The following ATP10B variants were observed in gnomAD, a reference collection of about 807,000 sequenced individuals.
ATP10B encodes phospholipid-transporting ATPase VB.
A neutral mutation model predicts 141.2 loss-of-function variants in ATP10B; 122 were observed. The observed-to-expected ratio is 0.86, with a 90% CI of 0.75 to 1.00. The LOEUF (loss-of-function observed/expected upper bound fraction) is 1.00. Ranked by LOEUF, ATP10B falls within the 50% of genes least tolerant of loss-of-function variation. The pLI is 0.00. For synonymous variants in ATP10B, 685 were observed against 692.0 expected, an observed-to-expected ratio of 0.99 and a Z score of 0.16; for missense variants, 1,876 against 1,825.3, an observed-to-expected ratio of 1.03 and a Z score of -0.51.
chr5:160,798,605 G>A (rs576614776), intron 1 of ATP10B, among the ~76,000 whole-genome samples: 20 of 152,214 alleles, frequency 1.3e-4, no homozygotes, highest in Non-Finnish European at 1.9e-4. Context: ...AGAATGGCCC[G>A]GCTGACTCTG....
chr5:160,778,719 G>A (rs1221392075), intron 2 of ATP10B, among the ~76,000 whole-genome samples: 1 of 152,190 alleles, frequency 6.6e-6, no homozygotes, highest in Non-Finnish European at 1.5e-5. Context: ...TATACACATA[G>A]TAAGGGCATA....
At chr5:160,598,543 TA>T (rs199504139) in intron 22 of ATP10B, among the ~76,000 whole-genome samples, 2,580 of 147,800 alleles carry the variant, frequency 0.017, 30 homozygotes, top group Middle Eastern at 0.076. Flanking sequence ...ATAATAACAA[TA>T]AAAAAAAAAT....
At chr5:160,652,064 TGCCGGGCCCCA>T (rs1760778721) in intron 7 of ATP10B, among the ~76,000 whole-genome samples, 1 of 152,138 alleles carries the variant, frequency 6.6e-6, no homozygotes. Flanking sequence ...TAATCACACC[TGCCGGGCCCCA>T]GCAATGGTGA....
the ATP10B span, among the ~76,000 whole-genome samples, chr5:160,928,150 C>T: frequency 6.6e-6 from 1 of 152,132 alleles, no homozygotes; most frequent in Non-Finnish European, 1.5e-5. Context: ...CGGTGTCCAG[C>T]TCTCCTTTCT....
At position 160,762,154 on chromosome 5, in the gene ATP10B, T is replaced by C. The variant is rs183065280; in HGVS notation, c.-331+23405A>G. On this transcript the variant is annotated intron_variant, in intron 2 of 25. Transcript: ENST00000327245. ...TTGAAAAACTTATTTGAGGGAATAA[T>C]TGAGGAAAACTTCCCTGGTCTTGCT... 4.8e-3 allele frequency among the ~76,000 whole-genome samples: 738 copies of C among 152,322 alleles called. 2 individuals are homozygous for C. The highest frequency in any genetic ancestry group is 8.0e-3 in the Non-Finnish European group (541 of 68,022).
chr5:160,876,742 G>A, the ATP10B span, among the ~76,000 whole-genome samples: 4 of 151,416 alleles, frequency 2.6e-5, no homozygotes, highest in Admixed American at 6.6e-5. Context: ...TACCATCAGA[G>A]AATACTACAA....
chr5:160,729,729 G>C (rs1021003272), intron 2 of ATP10B, among the ~76,000 whole-genome samples: 7 of 152,200 alleles, frequency 4.6e-5, no homozygotes, highest in Admixed American at 4.6e-4. Context: ...GAAAGACACA[G>C]AGATTTGAAC....
At chr5:160,749,000 T>C (rs557150213) in intron 2 of ATP10B, among the ~76,000 whole-genome samples, 16 of 152,288 alleles carry the variant, frequency 1.1e-4, no homozygotes, top group Non-Finnish European at 2.1e-4. Flanking sequence ...GACAAGGAAA[T>C]AGACACCCTC....
the ATP10B span, among the ~76,000 whole-genome samples, chr5:160,859,140 A>C: frequency 9.2e-5 from 14 of 151,880 alleles, no homozygotes; most frequent in Admixed American, 8.6e-4. Flanking sequence ...TTCATTTGCA[A>C]ATGTCTTTTA....
chr5:160,770,311 C>T (rs369554277), intron 2 of ATP10B, among the ~76,000 whole-genome samples: 2 of 152,054 alleles, frequency 1.3e-5, no homozygotes, highest in East Asian at 1.9e-4. Context: ...CCCCACCCCA[C>T]CTCTTCATCT....
the ATP10B span, among the ~76,000 whole-genome samples, chr5:160,906,738 A>G: frequency 1.3e-5 from 2 of 152,194 alleles, no homozygotes; most frequent in African/African-American, 4.8e-5. Context: ...GTCGGTACCC[A>G]GTACCGCCTC....
chr5:160,909,794 C>T, the ATP10B span, among the ~76,000 whole-genome samples: 3 of 152,232 alleles, frequency 2.0e-5, no homozygotes, highest in South Asian at 4.1e-4. Context: ...AGAAAGAACT[C>T]GGGAAAAATC....
At chr5:160,607,836 A>T (rs1040615769) in intron 18 of ATP10B, among the ~76,000 whole-genome samples, 3 of 152,224 alleles carry the variant, frequency 2.0e-5, no homozygotes, top group Non-Finnish European at 4.4e-5. Context: ...ATTATATCAA[A>T]AGTAGTCATA....
chr5:160,883,560 T>C, the ATP10B span, among the ~76,000 whole-genome samples: 1 of 152,104 alleles, frequency 6.6e-6, no homozygotes, highest in East Asian at 1.9e-4. Context: ...AAAAGTAACA[T>C]TAGCAGTAAT....
At chr5:160,722,721 AG>A (rs1456981841) in intron 2 of ATP10B, among the ~76,000 whole-genome samples, 2 of 152,214 alleles carry the variant, frequency 1.3e-5, no homozygotes, top group Admixed American at 6.5e-5. Flanking sequence ...CACCCTGACA[AG>A]GGGCCTCCAA....
intron 24 of ATP10B, among the ~76,000 whole-genome samples, chr5:160,589,253 C>A (rs1473352270): frequency 6.6e-6 from 1 of 152,196 alleles, no homozygotes; most frequent in African/African-American, 2.4e-5. Flanking sequence ...CTCAGGTGAT[C>A]TGTCCACCTC....
At chr5:160,586,431 T>C (rs1178215156) in intron 24 of ATP10B, among the ~76,000 whole-genome samples, 1 of 152,230 alleles carries the variant, frequency 6.6e-6, no homozygotes, top group Non-Finnish European at 1.5e-5. Context: ...AGTGCTGCAA[T>C]AAATGTTTGT....
chr5:160,634,259 G>T, intron 12 of ATP10B, 95 bp downstream of exon 12: 1 of 1,575,536 alleles, frequency 6.3e-7, no homozygotes, highest in South Asian at 1.1e-5. Context: ...CAGCCTCTAA[G>T]AGAGCCAGGA....
chr5:160,583,199 T>G (rs933627643), intron 24 of ATP10B, among the ~76,000 whole-genome samples: 2 of 152,196 alleles, frequency 1.3e-5, no homozygotes, highest in African/African-American at 2.4e-5. Flanking sequence ...GTGCTGTTTT[T>G]TTCTCATCTT....
Sources: gnomAD v4.1 joint callset for allele counts (sites outside exome capture counted in the v4.1 genomes callset) on GRCh38, gnomAD v4.1.1 for gene constraint, MANE v1.5 for transcripts, NCBI Gene and HGNC (gene_info 2026-07-23, HGNC 2026-07-21) for gene names.